SNX7: variants seen among roughly 807,000 people sequenced by gnomAD.
SNX7 encodes the protein sorting nexin 7, also known as sorting nexin-7.
In SNX7, 35 loss-of-function variants were observed where a neutral mutation model predicts 48.4. The observed-to-expected ratio is 0.72, with a 90% CI of 0.55 to 0.96. SNX7 has a LOEUF of 0.96. Among genes scored for constraint, SNX7 ranks in the 40% least tolerant of loss-of-function variants. The pLI, the probability that SNX7 is intolerant of heterozygous loss-of-function variation, is 0.00. For missense variants in SNX7, 553 were observed against 548.9 expected (o/e 1.01, Z -0.07); for synonymous variants, 190 against 190.2 (o/e 1.00, Z 0.01).
At chr1:98,667,432 G>T (rs1421851130) in intron 1 of SNX7, among the ~76,000 whole-genome samples, 1 of 152,136 alleles carries the variant, frequency 6.6e-6, no homozygotes, top group Non-Finnish European at 1.5e-5. Flanking sequence ...CTAGAGTGCA[G>T]TGGCGTGATT....
intron 1 of SNX7, among the ~76,000 whole-genome samples, chr1:98,680,355 C>G (rs1248956730): frequency 6.6e-6 from 1 of 152,126 alleles, no homozygotes; most frequent in Non-Finnish European, 1.5e-5. Flanking sequence ...GGCCTGTGGG[C>G]CTATGCTGAG....
intron 8 of SNX7, among the ~76,000 whole-genome samples, chr1:98,752,806 T>G (rs1654652336): frequency 6.6e-6 from 1 of 152,046 alleles, no homozygotes; most frequent in South Asian, 2.1e-4. Flanking sequence ...TAAAGGGAAT[T>G]AATTTCCATA....
chr1:98,715,676 C>G (rs1652551619), intron 7 of SNX7, among the ~76,000 whole-genome samples: 1 of 152,162 alleles, frequency 6.6e-6, no homozygotes, highest in South Asian at 2.1e-4. Context: ...TTGATATGTT[C>G]ACATCATTTT....
intron 7 of SNX7, among the ~76,000 whole-genome samples, chr1:98,731,449 G>T (rs552531387): frequency 6.6e-6 from 1 of 151,996 alleles, no homozygotes; most frequent in Non-Finnish European, 1.5e-5. Context: ...TCATGTTGCC[G>T]TCTTTGTCTT....
rs181734352 is a variant in SNX7 at position 98,760,389 on chromosome 1, A to G, written c.*258A>G. On this transcript the variant is annotated 3_prime_UTR_variant, in exon 9 of 9. Coordinates refer to ENST00000306121, the MANE Select transcript of SNX7 (RefSeq NM_015976.5). ...CTGGCTTGGTTTTAATTATGTTCTT[A>G]AATTTGTGTGCCAATAATTGCATAT... 234 of 308,098 alleles carry G rather than the reference A, an allele frequency of 7.6e-4. 2 individuals carry two copies. The highest frequency in any genetic ancestry group is 4.7e-3 in the African/African-American group (221 of 46,686). The allele number at this position is 308,098 out of a possible 1,614,324, so 19.1% of individuals were successfully genotyped here.
At chr1:98,753,088 T>C (rs565227543) in intron 8 of SNX7, among the ~76,000 whole-genome samples, 1 of 152,202 alleles carries the variant, frequency 6.6e-6, no homozygotes, top group African/African-American at 2.4e-5. Context: ...CTTTCTCACC[T>C]GTAAAATAGG....
At chr1:98,727,911 T>C (rs1412189950) in intron 7 of SNX7, among the ~76,000 whole-genome samples, 1 of 151,766 alleles carries the variant, frequency 6.6e-6, no homozygotes, top group African/African-American at 2.4e-5. Context: ...CTATGACTGT[T>C]TGTGGTACCT....
intron 7 of SNX7, among the ~76,000 whole-genome samples, chr1:98,727,626 C>A (rs1653256185): frequency 6.6e-6 from 1 of 151,912 alleles, no homozygotes; most frequent in Non-Finnish European, 1.5e-5. Context: ...AGGTAAGAAC[C>A]ATGATGAAAC....
At chr1:98,735,354 G>A (rs1557830192) in intron 7 of SNX7, among the ~76,000 whole-genome samples, 1 of 152,092 alleles carries the variant, frequency 6.6e-6, no homozygotes, top group Non-Finnish European at 1.5e-5. Context: ...TCACTGTGAG[G>A]AAATACCTAA....
At chr1:98,740,881 T>A (rs757347149) in intron 8 of SNX7, among the ~76,000 whole-genome samples, 251 of 152,328 alleles carry the variant, frequency 1.6e-3, no homozygotes, top group Non-Finnish European at 3.0e-3. Context: ...CTCTTTTGTA[T>A]AACTTCCAGA....
At chr1:98,722,271 A>G (rs571256429) in intron 7 of SNX7, among the ~76,000 whole-genome samples, 2 of 152,312 alleles carry the variant, frequency 1.3e-5, no homozygotes, top group South Asian at 2.1e-4. Flanking sequence ...TAAGAAAAGT[A>G]TGTATTGTAA....
intron 1 of SNX7, among the ~76,000 whole-genome samples, chr1:98,677,692 A>C (rs1207532737): frequency 6.6e-6 from 1 of 152,060 alleles, no homozygotes; most frequent in Non-Finnish European, 1.5e-5. Flanking sequence ...AGCCTGGCCA[A>C]GATGGTGAAA....
At chr1:98,716,671 G>A (rs1414938460) in intron 7 of SNX7, among the ~76,000 whole-genome samples, 1 of 152,078 alleles carries the variant, frequency 6.6e-6, no homozygotes, top group Non-Finnish European at 1.5e-5. Flanking sequence ...AGAAGAGCCA[G>A]AGTTGTAACC....
intron 8 of SNX7, among the ~76,000 whole-genome samples, chr1:98,750,002 T>C (rs757280642): frequency 6.6e-6 from 1 of 152,158 alleles, no homozygotes; most frequent in South Asian, 2.1e-4. Context: ...TAAAAGTTGC[T>C]TTTTGATTAG....
At chr1:98,680,430 C>T (rs1650416423) in intron 1 of SNX7, among the ~76,000 whole-genome samples, 1 of 152,220 alleles carries the variant, frequency 6.6e-6, no homozygotes, top group African/African-American at 2.4e-5. Context: ...TGGGGATTAA[C>T]ATTCAGTTCC....
chr1:98,679,069 C>A (rs1330260812), intron 1 of SNX7, among the ~76,000 whole-genome samples: 1 of 152,144 alleles, frequency 6.6e-6, no homozygotes, highest in Non-Finnish European at 1.5e-5. Flanking sequence ...CTGATAAAGA[C>A]ATAACCAAGA....
chr1:98,686,148 C>G (rs1228154592), intron 2 of SNX7, among the ~76,000 whole-genome samples: 3 of 152,146 alleles, frequency 2.0e-5, no homozygotes, highest in Non-Finnish European at 4.4e-5. Context: ...TTTCAATATA[C>G]AACTCAAAAT....
At chr1:98,715,107 A>G (rs904258993) in intron 7 of SNX7, among the ~76,000 whole-genome samples, 10 of 152,156 alleles carry the variant, frequency 6.6e-5, no homozygotes, top group Non-Finnish European at 1.2e-4. Context: ...ATATTATCAA[A>G]TGCTCAGACC....
chr1:98,710,036 C>G (rs1185003727), intron 7 of SNX7, among the ~76,000 whole-genome samples: 1 of 152,008 alleles, frequency 6.6e-6, no homozygotes, highest in Non-Finnish European at 1.5e-5. Context: ...ATACTGTGAC[C>G]CACCCTGCCC....
Sources: gnomAD v4.1 joint callset for allele counts (sites outside exome capture counted in the v4.1 genomes callset) on GRCh38, gnomAD v4.1.1 for gene constraint, MANE v1.5 for transcripts, NCBI Gene and HGNC (gene_info 2026-07-23, HGNC 2026-07-21) for gene names.